The following SPDYE16 variants were observed in gnomAD, a reference collection of about 807,000 sequenced individuals.
SPDYE16 encodes speedy protein E16.
In SPDYE16, 5 loss-of-function variants were observed where a neutral mutation model predicts 40.1. The ratio of observed to expected loss-of-function variants is 0.12; its 90% CI spans 0.07 to 0.26. The LOEUF (loss-of-function observed/expected upper bound fraction) is 0.26, where lower values mean the gene tolerates loss of function less well. SPDYE16 is among the 10% of genes least tolerant of loss of function. SPDYE16 has a pLI of 1.00. For synonymous variants in SPDYE16, 40 were observed against 154.2 expected, an observed-to-expected ratio of 0.26 and a Z score of 5.49; for missense variants, 98 against 409.8, an observed-to-expected ratio of 0.24 and a Z score of 6.57.
chr7:76,541,274 A>C (rs1584289612), intron 2 of SPDYE16, 26 bp downstream of exon 2: 2 of 1,531,092 alleles, frequency 1.3e-6, no homozygotes, highest in Non-Finnish European at 8.7e-7. Context: ...ATCCTATCCC[A>C]CCTCTTCTTC....
Position 76,535,696 on chromosome 7 carries a change from CTTT to C in SPDYE16, c.755+473_755+475del, listed in dbSNP as rs766282349. On this transcript the variant is annotated intron_variant, in intron 6 of 8. Transcript: ENST00000633306. ...CTGGCATTGGAGTTTGTTTTTTTGGCTTTTTTTTTTTTTTTTTTTTTTTTTGAG... is the reference window on the plus strand; with the variant it reads ...CTGGCATTGGAGTTTGTTTTTTTGGCTTTTTTTTTTTTTTTTTTTTTTGAG... 1.3e-3 allele frequency among the ~76,000 whole-genome samples: 36 copies of C among 26,670 alleles called. 1 individual carries two copies. The highest frequency in any genetic ancestry group is 2.1e-3 in the East Asian group (2 of 950). 17.5% of individuals were successfully genotyped at this position (26,670 alleles called of 152,430 possible). A position where few individuals can be genotyped will look rare whatever the true frequency, so the allele number is the denominator to read the frequency against.
At position 76,539,447 on chromosome 7, in the gene SPDYE16, CTTTTTTTT is replaced by C. The variant is rs1193621613; in HGVS notation, c.380-639_380-632del. ...CTGACTTCTGGGCCCGCCCTTCCTT[CTTTTTTTT>C]TTTTTTTTTTTTTTTTTGAGAGAGC... On this transcript the variant is annotated intron_variant, in intron 3 of 8. Coordinates refer to ENST00000633306, the MANE Select transcript of SPDYE16 (RefSeq NM_001394943.1). Among the ~76,000 whole-genome samples, 4 of 30,278 alleles carry C rather than the reference CTTTTTTTT, an allele frequency of 1.3e-4. 1 individual carries two copies. The highest frequency in any genetic ancestry group is 9.9e-4 in the African/African-American group (4 of 4,042). 19.9% of individuals were successfully genotyped at this position (30,278 alleles called of 152,430 possible).
In SPDYE16 at chr7:76,541,769, G is replaced by T. The variant is rs1813190901; in HGVS notation, c.-310C>A. ...ACCATTGTCCAAAAGCATCTTCGGG[G>T]ACTCCACATCCCTCTGTTCCCTGTC... On this transcript the variant is annotated 5_prime_UTR_variant, in exon 2 of 9. Transcript: ENST00000633306. Among the ~76,000 whole-genome samples the T allele has an allele frequency of 7.2e-6, 1 of 139,390 alleles. No individual in the cohort carries two copies. Among genetic ancestry groups the T allele is most frequent in the African/African-American group, 2.6e-5 (1 of 37,768 alleles). The allele number at this position is 139,390 out of a possible 152,430, so 91.4% of individuals were successfully genotyped here.
chr7:76,533,530 G>T, intron 8 of SPDYE16, 119 bp downstream of exon 8: 1 of 897,704 alleles, frequency 1.1e-6, no homozygotes, highest in Non-Finnish European at 1.5e-6. Flanking sequence ...TTGTATTTTT[G>T]TGGAGAGGGG....
At chr7:76,542,159 C>G (rs543340937) in intron 1 of SPDYE16, among the ~76,000 whole-genome samples, 2,719 of 148,624 alleles carry the variant, frequency 0.018, no homozygotes, top group African/African-American at 0.066. Context: ...CATCAGAGCA[C>G]TCAGTTTGGC....
chr7:76,532,540 C>T lies in SPDYE16; in HGVS notation c.*300G>A, dbSNP rs1284720189. 50 of 262,272 alleles carry T rather than the reference C, an allele frequency of 1.9e-4. 12 individuals carry two copies. Among genetic ancestry groups the T allele is most frequent in the Non-Finnish European group, 2.9e-4 (43 of 146,010 alleles). 16.2% of individuals were successfully genotyped at this position (262,272 alleles called of 1,614,324 possible). On this transcript the variant is annotated 3_prime_UTR_variant, in exon 9 of 9. Coordinates refer to ENST00000633306, the MANE Select transcript of SPDYE16 (RefSeq NM_001394943.1). The stretch of plus-strand genomic sequence containing the variant: ...AGCAATATAAAAAGGGTGGTGGTGC[C>T]GCAGGAAAGGGTGGAACTGGAAACA...
At chr7:76,541,003 C>A (rs1451627211) in intron 2 of SPDYE16, among the ~76,000 whole-genome samples, 1 of 122,876 alleles carries the variant, frequency 8.1e-6, no homozygotes, top group Non-Finnish European at 1.6e-5. Flanking sequence ...AGTGCAGTAG[C>A]GTGATCTCAG....
In SPDYE16 at chr7:76,537,638, G is replaced by A. The variant is rs1313194899; in HGVS notation, c.611-87C>T. On this transcript the variant is annotated intron_variant, in intron 4 of 8. Transcript: ENST00000633306. The stretch of plus-strand genomic sequence containing the variant: ...GGCAGTGAGGAGAAGTGTGCCTCCC[G>A]GGGGGAAAGTCTCAGGATTGTGGCC... 63 of 894,008 alleles carry A rather than the reference G, an allele frequency of 7.0e-5. 22 individuals carry two copies. In the East Asian group the frequency reaches 1.1e-3, roughly 16 times the overall value. 55.4% of individuals were successfully genotyped at this position (894,008 alleles called of 1,614,324 possible).
intron 1 of SPDYE16, among the ~76,000 whole-genome samples, chr7:76,542,632 A>AAAACC (rs1813226204): frequency 6.8e-6 from 1 of 146,194 alleles, no homozygotes; most frequent in South Asian, 2.3e-4. Context: ...CATCTCTAAA[A>AAAACC]AAACCAAACC....
Position 76,537,639 on chromosome 7 carries a change from G to T in SPDYE16, c.611-88C>A. The T allele has an allele frequency of 3.3e-6, 3 of 897,110 alleles. 1 individual carries two copies. In the South Asian group the frequency reaches 6.3e-5, roughly 19 times the overall value. 55.6% of individuals were successfully genotyped at this position (897,110 alleles called of 1,614,324 possible). A position where few individuals can be genotyped will look rare whatever the true frequency, so the allele number is the denominator to read the frequency against. On this transcript the variant is annotated intron_variant, in intron 4 of 8. Transcript: ENST00000633306. ...GCAGTGAGGAGAAGTGTGCCTCCCGGGGGGAAAGTCTCAGGATTGTGGCCG... is the reference window on the plus strand; with the variant it reads ...GCAGTGAGGAGAAGTGTGCCTCCCGTGGGGAAAGTCTCAGGATTGTGGCCG...
intron 3 of SPDYE16, 141 bp downstream of exon 3, chr7:76,539,987 G>A (rs1813134448): frequency 1.1e-6 from 1 of 935,062 alleles, no homozygotes; most frequent in Non-Finnish European, 1.5e-6. Flanking sequence ...TGTCCCTCAT[G>A]AGTGATCACT....
intron 2 of SPDYE16, among the ~76,000 whole-genome samples, chr7:76,541,025 C>G (rs1813167669): frequency 8.0e-6 from 1 of 125,100 alleles, no homozygotes; most frequent in Non-Finnish European, 1.6e-5. Flanking sequence ...TCACTGCAAC[C>G]TCTTCCTCCC....
At chr7:76,535,734 C>T (rs1813027044) in intron 6 of SPDYE16, among the ~76,000 whole-genome samples, 1 of 47,132 alleles carries the variant, frequency 2.1e-5, no homozygotes, top group Admixed American at 2.4e-4. Context: ...GAAAAAGTCT[C>T]ACTCTGTCAC....
At chr7:76,534,535 T>C (rs782489) in intron 6 of SPDYE16, among the ~76,000 whole-genome samples, 43,148 of 65,550 alleles carry the variant, frequency 0.66, 17,955 homozygotes, top group Middle Eastern at 0.76. Context: ...GCAGGTGGAT[T>C]GCTTGAGACC....
chr7:76,541,265 T>C (rs367846858), intron 2 of SPDYE16, 35 bp downstream of exon 2: 20 of 1,531,768 alleles, frequency 1.3e-5, no homozygotes, highest in African/African-American at 2.8e-5. Flanking sequence ...TCTTAGTCAA[T>C]CCTATCCCAC....
At chr7:76,540,974 CTTTTTTT>C (rs1292373639) in intron 2 of SPDYE16, among the ~76,000 whole-genome samples, 7 of 113,474 alleles carry the variant, frequency 6.2e-5, no homozygotes, top group East Asian at 2.8e-4. Flanking sequence ...CTTTTCTTTT[CTTTTTTT>C]TTTTTTTTTG....
At chr7:76,537,872 G>A (rs1813070192) in intron 4 of SPDYE16, among the ~76,000 whole-genome samples, 1 of 72,592 alleles carries the variant, frequency 1.4e-5, no homozygotes, top group Non-Finnish European at 2.6e-5. Flanking sequence ...ATTTCCTCAT[G>A]AGACAGTCAC....
chr7:76,537,638 G>C (rs1313194899), intron 4 of SPDYE16, 87 bp from the exon 5 acceptor site: 1 of 894,006 alleles, frequency 1.1e-6, no homozygotes, highest in South Asian at 2.1e-5. Context: ...TGTGCCTCCC[G>C]GGGGGAAAGT....
At position 76,538,751 on chromosome 7, in the gene SPDYE16, C is replaced by G. The variant is rs201797382; in HGVS notation, c.445G>C (p.Asp149His). Residue 149 changes from aspartate to histidine, a missense_variant, in exon 4 of 9, where the codon GAC becomes CAC. Physicochemically the swap from Asp to His is moderately conservative, Grantham distance 81. Transcript: ENST00000633306. ...TCCTCCAACGACTCCTCAGATTCGT[C>G]CCACCACTCCCTCTTCCTTTTCCAG... ...FCWKRKREWW[D>H]ESEESLEEEP... The G allele has an allele frequency of 5.8e-3, 6,005 of 1,041,756 alleles. 1,853 individuals carry two copies. The highest frequency in any genetic ancestry group is 6.6e-3 in the Non-Finnish European group (5,179 of 781,088). The allele number at this position is 1,041,756 out of a possible 1,614,324, so 64.5% of individuals were successfully genotyped here.
Sources: allele counts gnomAD v4.1 joint callset (sites outside exome capture counted in the v4.1 genomes callset), GRCh38; gene constraint gnomAD v4.1.1; transcripts MANE v1.5; gene names NCBI Gene and HGNC (gene_info 2026-07-23, HGNC 2026-07-21).